Variants in ITK observed in about 807,000 individuals in gnomAD.
The protein encoded by ITK is IL2 inducible T cell kinase, also known as tyrosine-protein kinase ITK/TSK.
ITK carries 45 observed loss-of-function variants against 87.6 expected under a neutral mutation model. That is an observed-to-expected ratio of 0.51 (90% CI 0.40 to 0.66). The LOEUF (loss-of-function observed/expected upper bound fraction) is 0.66, where lower values mean the gene tolerates loss of function less well. ITK is among the 30% of genes least tolerant of loss of function. The probability of loss-of-function intolerance (pLI) is 0.00; values close to 1 mark genes in which losing one functional copy is unlikely to be tolerated. For synonymous variants in ITK, 303 were observed against 273.6 expected, an observed-to-expected ratio of 1.11 and a Z score of -1.06; for missense variants, 605 against 766.3, an observed-to-expected ratio of 0.79 and a Z score of 2.48.
chr5:157,199,285 G>A (rs1235519136), intron 1 of ITK: 2 of 151,888 alleles, frequency 1.3e-5, no homozygotes, highest in Non-Finnish European at 2.9e-5. Flanking sequence ...GGAGAAAGCT[G>A]AAAACTGCTA....
chr5:157,192,463 T>A (rs1391587233), intron 1 of ITK, among the ~76,000 whole-genome samples: 1 of 152,206 alleles, frequency 6.6e-6, no homozygotes, highest in African/African-American at 2.4e-5. Flanking sequence ...CAGGCTGTAA[T>A]TCCAGAAAAG....
chr5:157,209,038 T>G lies in ITK; in HGVS notation c.243+45T>G, dbSNP rs150481035. 23 of 1,316,824 alleles carry G rather than the reference T, an allele frequency of 1.7e-5. No homozygotes were observed. The East Asian group carries it at 5.1e-4, about 29-fold the overall frequency. 81.6% of individuals were successfully genotyped at this position (1,316,824 alleles called of 1,614,324 possible). On this transcript the variant is annotated intron_variant, in intron 2 of 16. Transcript: ENST00000422843. Reference sequence around the variant, plus strand: ...AGTTCCCCATTCCCTGGACTGTGGTTAAAATCTTCAGTCACAGCCGGGTGC... The same window carrying G: ...AGTTCCCCATTCCCTGGACTGTGGTGAAAATCTTCAGTCACAGCCGGGTGC...
chr5:157,194,928 A>T (rs912827524), intron 1 of ITK, among the ~76,000 whole-genome samples: 1 of 152,182 alleles, frequency 6.6e-6, no homozygotes, highest in African/African-American at 2.4e-5. Context: ...TAACAACATG[A>T]ATCATAATTC....
At chr5:157,219,375 A>T (rs535144584) in intron 5 of ITK, among the ~76,000 whole-genome samples, 60 of 152,182 alleles carry the variant, frequency 3.9e-4, no homozygotes, top group African/African-American at 1.3e-3. Context: ...AACCTCCCAA[A>T]GTGCTGGAAT....
rs1580905503 is a variant in ITK, at chr5:157,240,161, T to A, written c.951T>A (p.Pro317=). The change falls in exon 10 of 17, where the codon CCT becomes CCA. Residue 317 remains proline, a synonymous_variant. Transcript: ENST00000422843. Reference sequence around the variant, plus strand: ...AAAAGTATGTGTTCGATTCCATCCCTCTTCTCATCAACTATCACCAACATA... The same window carrying A: ...AAAAGTATGTGTTCGATTCCATCCCACTTCTCATCAACTATCACCAACATA... ...VAEKYVFDSI[P]LLINYHQHNG... is the part of the protein sequence containing the mutation. 6.2e-7 allele frequency: 1 copy of A among 1,614,170 alleles called. No individual in the cohort carries two copies. Among genetic ancestry groups the A allele is most frequent in the Middle Eastern group, 1.7e-4 (1 of 6,060 alleles).
chr5:157,200,030 C>T (rs1386841169), intron 1 of ITK, among the ~76,000 whole-genome samples: 1 of 149,334 alleles, frequency 6.7e-6, no homozygotes, highest in Admixed American at 6.7e-5. Flanking sequence ...TGAAAGTCAG[C>T]CCTTAATACA....
At chr5:157,225,372 C>T (rs1754510451) in intron 6 of ITK, among the ~76,000 whole-genome samples, 1 of 151,698 alleles carries the variant, frequency 6.6e-6, no homozygotes, top group African/African-American at 2.4e-5. Flanking sequence ...AATTTCCTCA[C>T]AAAGCTTGCC....
chr5:157,189,346 G>A (rs994683636), intron 1 of ITK, among the ~76,000 whole-genome samples: 8 of 152,138 alleles, frequency 5.3e-5, no homozygotes, highest in African/African-American at 7.2e-5. Context: ...CTATAAACAC[G>A]AGAGTTTAGA....
chr5:157,192,970 C>T (rs1012198448), intron 1 of ITK, among the ~76,000 whole-genome samples: 2 of 152,160 alleles, frequency 1.3e-5, no homozygotes, highest in South Asian at 4.1e-4. Flanking sequence ...AATACCAACA[C>T]TTTGAGAGGT....
intron 1 of ITK, among the ~76,000 whole-genome samples, chr5:157,188,421 T>C (rs1000790742): frequency 1.3e-5 from 2 of 152,202 alleles, no homozygotes; most frequent in Admixed American, 1.3e-4. Context: ...ACTCCCTTTA[T>C]GTGCTTCTGT....
At chr5:157,199,802 A>G (rs764215467) in intron 1 of ITK, 10 of 152,360 alleles carry the variant, frequency 6.6e-5, no homozygotes, top group Non-Finnish European at 1.0e-4. Context: ...GTTCAAAAAT[A>G]GTATCATTTT....
chr5:157,205,733 C>G (rs1754064641), intron 1 of ITK, among the ~76,000 whole-genome samples: 2 of 152,112 alleles, frequency 1.3e-5, no homozygotes, highest in Admixed American at 1.3e-4. Context: ...ATGATGTTGG[C>G]TGTAGTTTGT....
intron 11 of ITK, among the ~76,000 whole-genome samples, chr5:157,242,336 C>T (rs1754925891): frequency 6.6e-6 from 1 of 152,144 alleles, no homozygotes; most frequent in Admixed American, 6.5e-5. Flanking sequence ...GAAGGCTGGT[C>T]TAATTTTCAT....
At chr5:157,189,867 A>G (rs1386665149) in intron 1 of ITK, among the ~76,000 whole-genome samples, 1 of 152,212 alleles carries the variant, frequency 6.6e-6, no homozygotes, top group Non-Finnish European at 1.5e-5. Flanking sequence ...CGAACTAATA[A>G]TACATTCCTC....
chr5:157,202,306 C>T (rs1002812491), intron 1 of ITK, among the ~76,000 whole-genome samples: 16 of 152,132 alleles, frequency 1.1e-4, no homozygotes, highest in Non-Finnish European at 1.6e-4. Context: ...CTCTGCCTCC[C>T]GAGTTCAAGC....
At chr5:157,250,732 A>G (rs995756277) in intron 16 of ITK, among the ~76,000 whole-genome samples, 1 of 151,932 alleles carries the variant, frequency 6.6e-6, no homozygotes, top group Non-Finnish European at 1.5e-5. Flanking sequence ...TGCCCAGGTG[A>G]GTTCAGGCAA....
rs1434465659 is a variant in ITK at position 157,180,939 on chromosome 5, G to A, written c.-39G>A. 5.6e-6 allele frequency: 9 copies of A among 1,610,036 alleles called. No homozygotes were observed. The highest frequency in any genetic ancestry group is 2.2e-5 in the South Asian group (2 of 90,990). ...ACTCTTTCCTTTGGTTGTGCTAAGA[G>A]GTGATGCCCAAGGTGCACCACCTTT... On this transcript the variant is annotated 5_prime_UTR_variant, in exon 1 of 17. Transcript: ENST00000422843.
intron 5 of ITK, among the ~76,000 whole-genome samples, chr5:157,219,113 C>CT (rs397884045): frequency 0.28 from 37,602 of 136,402 alleles, 5,437 homozygotes; most frequent in East Asian, 0.53. Flanking sequence ...ACTTTTCTTT[C>CT]TTTTTTTTTT....
intron 14 of ITK, 21 bp downstream of exon 14, chr5:157,245,811 C>T (rs182083916): frequency 1.1e-5 from 17 of 1,613,086 alleles, no homozygotes; most frequent in East Asian, 6.7e-5. Flanking sequence ...GATGTGGTGC[C>T]GGTGAAGTCT....
Sources: gnomAD v4.1 joint callset for allele counts (sites outside exome capture counted in the v4.1 genomes callset) on GRCh38, gnomAD v4.1.1 for gene constraint, MANE v1.5 for transcripts, NCBI Gene and HGNC (gene_info 2026-07-23, HGNC 2026-07-21) for gene names.